ACTR2: variants seen among roughly 807,000 people sequenced by gnomAD.
The protein encoded by ACTR2 is actin-related protein 2.
In ACTR2, 5 loss-of-function variants were observed where a neutral mutation model predicts 50.2. The observed-to-expected ratio is 0.10, with a 90% CI of 0.05 to 0.21. ACTR2 has a LOEUF of 0.21. ACTR2 is among the 10% of genes least tolerant of loss of function. The pLI, the probability that ACTR2 is intolerant of heterozygous loss-of-function variation, is 1.00. For missense variants in ACTR2, 180 were observed against 480.6 expected (o/e 0.37, Z 5.85); for synonymous variants, 140 against 162.9 (o/e 0.86, Z 1.07).
chr2:65,265,321 G>A (rs1672350683), intron 8 of ACTR2, 146 bp downstream of exon 8: 2 of 905,244 alleles, frequency 2.2e-6, no homozygotes, highest in Non-Finnish European at 3.5e-6. Flanking sequence ...ATGATAGCAA[G>A]AAGGAAATAG....
intron 8 of ACTR2, among the ~76,000 whole-genome samples, chr2:65,268,072 C>T (rs1262269108): frequency 7.9e-5 from 12 of 151,610 alleles, no homozygotes; most frequent in Non-Finnish European, 1.6e-4. Flanking sequence ...CTCCTGACCT[C>T]GTGATCCGCC....
At chr2:65,240,388 A>G (rs1294488208) in intron 2 of ACTR2, among the ~76,000 whole-genome samples, 3 of 151,976 alleles carry the variant, frequency 2.0e-5, no homozygotes, top group African/African-American at 7.3e-5. Context: ...TGATCCCTCT[A>G]CTTTTTTATA....
At chr2:65,263,260 T>G (rs112474430) in intron 7 of ACTR2, among the ~76,000 whole-genome samples, 2 of 113,556 alleles carry the variant, frequency 1.8e-5, no homozygotes, top group African/African-American at 6.3e-5. Context: ...ATTTTGGAGT[T>G]TTGGGTTTTT....
chr2:65,247,559 G>C (rs1671962717), intron 3 of ACTR2, among the ~76,000 whole-genome samples: 1 of 152,120 alleles, frequency 6.6e-6, no homozygotes, highest in Non-Finnish European at 1.5e-5. Context: ...CTGCACTCCA[G>C]CCTGGGCGAC....
rs116393025 is a variant in ACTR2 at position 65,258,919 on chromosome 2, C to T, written c.736-2328C>T. ...TATTTTGGGTGATTTCATGTGAACC[C>T]ACCTGAAGGTGGAGGTGGTTTTTTT... On this transcript the variant is annotated intron_variant, in intron 6 of 8. Transcript: ENST00000260641. Among the ~76,000 whole-genome samples the T allele has an allele frequency of 1.0e-3, 158 of 152,140 alleles. 3 individuals are homozygous for T. Among genetic ancestry groups the T allele is most frequent in the African/African-American group, 3.6e-3 (148 of 41,524 alleles).
intron 6 of ACTR2, among the ~76,000 whole-genome samples, chr2:65,259,677 C>G (rs1477232193): frequency 1.3e-5 from 2 of 152,092 alleles, no homozygotes; most frequent in African/African-American, 2.4e-5. Flanking sequence ...TGCACTGAGC[C>G]ACGATCAAGC....
chr2:65,265,033 G>A lies in ACTR2; in HGVS notation c.882-10G>A. 1 of 1,614,038 alleles carries A rather than the reference G, an allele frequency of 6.2e-7. No individual in the cohort carries two copies. The highest frequency in any genetic ancestry group is 8.5e-7 in the Non-Finnish European group (1 of 1,179,986). On this transcript the variant is annotated splice_polypyrimidine_tract_variant and intron_variant, in intron 7 of 8. Coordinates refer to ENST00000260641, the MANE Select transcript of ACTR2 (RefSeq NM_005722.4). ...AAAACTCCAAATGAATAACCATTGT[G>A]CCTTTCTAGATCTGAATTCTACAAA... is the stretch of plus-strand genomic sequence containing the variant.
intron 7 of ACTR2, 109 bp from the exon 8 acceptor site, chr2:65,264,934 T>C: frequency 7.8e-7 from 1 of 1,279,248 alleles, no homozygotes; most frequent in Non-Finnish European, 1.1e-6. Context: ...ACATGTGGAA[T>C]TTTATTTAAT....
chr2:65,258,991 A>G (rs968065339), intron 6 of ACTR2, among the ~76,000 whole-genome samples: 3 of 151,168 alleles, frequency 2.0e-5, no homozygotes, highest in African/African-American at 7.3e-5. Context: ...CTGTTTTGAG[A>G]CAGGGTTTCC....
At chr2:65,264,942 A>T in intron 7 of ACTR2, 101 bp from the exon 8 acceptor site, 1 of 1,362,606 alleles carries the variant, frequency 7.3e-7, no homozygotes, top group Non-Finnish European at 1.0e-6. Context: ...AATTTTATTT[A>T]ATTCTCCCAG....
At chr2:65,235,737 C>A (rs1440122740) in intron 1 of ACTR2, among the ~76,000 whole-genome samples, 2 of 151,842 alleles carry the variant, frequency 1.3e-5, no homozygotes, top group South Asian at 2.1e-4. Flanking sequence ...CCTGGATGAC[C>A]GAGTGAGACT....
At chr2:65,255,893 G>T (rs1290617036) in intron 6 of ACTR2, among the ~76,000 whole-genome samples, 199 bp downstream of exon 6, 1 of 152,094 alleles carries the variant, frequency 6.6e-6, no homozygotes, top group African/African-American at 2.4e-5. Context: ...GCAAATTAAG[G>T]CAAGAATCAT....
chr2:65,237,648 C>T (rs538351803), intron 1 of ACTR2, among the ~76,000 whole-genome samples: 7 of 152,218 alleles, frequency 4.6e-5, no homozygotes, highest in Admixed American at 2.6e-4. Flanking sequence ...GCCAGGAGTT[C>T]CAGACCAGCC....
chr2:65,228,131 C>T lies in ACTR2; in HGVS notation c.48+174C>T. 4 of 515,254 alleles carry T rather than the reference C, an allele frequency of 7.8e-6. 1 individual carries two copies. In the South Asian group the frequency reaches 1.8e-4, roughly 23 times the overall value. 31.9% of individuals were successfully genotyped at this position (515,254 alleles called of 1,614,324 possible). Reference sequence around the variant, plus strand: ...AGCGAGCCGGCCGTTCCCTGGTCTCCCTTGAGCCTGCCACCCATTTAGCCT... The same window carrying T: ...AGCGAGCCGGCCGTTCCCTGGTCTCTCTTGAGCCTGCCACCCATTTAGCCT... On this transcript the variant is annotated intron_variant, in intron 1 of 8. Coordinates refer to ENST00000260641, the MANE Select transcript of ACTR2 (RefSeq NM_005722.4).
At chr2:65,255,333 C>T (rs1035397690) in intron 5 of ACTR2, among the ~76,000 whole-genome samples, 1 of 152,176 alleles carries the variant, frequency 6.6e-6, no homozygotes. Flanking sequence ...TACTGACTTA[C>T]TTATGAATTG....
At chr2:65,259,121 A>G (rs1002519555) in intron 6 of ACTR2, among the ~76,000 whole-genome samples, 22 of 151,910 alleles carry the variant, frequency 1.4e-4, no homozygotes, top group Admixed American at 1.4e-3. Context: ...CAAAGCTGGA[A>G]TCTAAACAAT....
intron 1 of ACTR2, among the ~76,000 whole-genome samples, chr2:65,236,534 G>C (rs1671744621): frequency 6.6e-6 from 1 of 152,080 alleles, no homozygotes; most frequent in Non-Finnish European, 1.5e-5. Context: ...CTTGTAGATA[G>C]TAGCTTTCTT....
chr2:65,238,829 A>G (rs930459402), intron 1 of ACTR2, among the ~76,000 whole-genome samples: 8 of 151,718 alleles, frequency 5.3e-5, no homozygotes, highest in Non-Finnish European at 7.4e-5. Flanking sequence ...TTAGCTGGGC[A>G]TGGTGGTGGG....
At position 65,246,242 on chromosome 2, in the gene ACTR2, C is replaced by T. The variant is rs554738905; in HGVS notation, c.160-282C>T. 2.1e-4 allele frequency: 49 copies of T among 228,910 alleles called. No individual in the cohort carries two copies. The Middle Eastern group carries it at 4.5e-3, about 21-fold the overall frequency. 14.2% of individuals were successfully genotyped at this position (228,910 alleles called of 1,614,324 possible). Reference sequence around the variant, plus strand: ...CAGATGAAACCTCATACAAAACCCTCCAAAATATGAAAATGTGGGGTTTAT... The same window carrying T: ...CAGATGAAACCTCATACAAAACCCTTCAAAATATGAAAATGTGGGGTTTAT... On this transcript the variant is annotated intron_variant, in intron 2 of 8. Transcript: ENST00000260641.
Sources: allele counts gnomAD v4.1 joint callset (sites outside exome capture counted in the v4.1 genomes callset), GRCh38; gene constraint gnomAD v4.1.1; transcripts MANE v1.5; gene names NCBI Gene and HGNC (gene_info 2026-07-23, HGNC 2026-07-21).